AGBL4: variants seen among roughly 807,000 people sequenced by gnomAD.
AGBL4 encodes the protein cytosolic carboxypeptidase 6.
Under a neutral mutation model 66.4 loss-of-function variants are expected in AGBL4, and 58 were observed. That is an observed-to-expected ratio of 0.87 (90% CI 0.71 to 1.09). The LOEUF (loss-of-function observed/expected upper bound fraction) is 1.09. Ranked by LOEUF, AGBL4 falls within the 50% of genes least tolerant of loss-of-function variation. The pLI is 0.00. For missense variants in AGBL4, 579 were observed against 631.0 expected (o/e 0.92, Z 0.88); for synonymous variants, 234 against 222.9 (o/e 1.05, Z -0.44).
At chr1:49,280,862 A>G (rs1476684048) in intron 3 of AGBL4, among the ~76,000 whole-genome samples, 1 of 152,220 alleles carries the variant, frequency 6.6e-6, no homozygotes, top group East Asian at 1.9e-4. Flanking sequence ...GGAGATAAAT[A>G]AAAAACCAGT....
chr1:48,943,981 A>C (rs1305404644), intron 5 of AGBL4, among the ~76,000 whole-genome samples: 2 of 152,232 alleles, frequency 1.3e-5, no homozygotes, highest in Non-Finnish European at 2.9e-5. Context: ...GTTAGATGGC[A>C]TCAGGCCTAG....
chr1:49,346,475 G>A (rs1199653449), intron 3 of AGBL4, among the ~76,000 whole-genome samples: 5 of 152,118 alleles, frequency 3.3e-5, no homozygotes, highest in African/African-American at 4.8e-5. Flanking sequence ...AGTTTACTTG[G>A]GAAGATTTTA....
intron 4 of AGBL4, among the ~76,000 whole-genome samples, chr1:49,116,187 G>A (rs1422744092): frequency 6.6e-6 from 1 of 152,012 alleles, no homozygotes; most frequent in East Asian, 1.9e-4. Context: ...AAAGCATTGT[G>A]CCAGAGTTTA....
chr1:48,911,576 C>T (rs1226808741), intron 5 of AGBL4, among the ~76,000 whole-genome samples: 11 of 148,432 alleles, frequency 7.4e-5, no homozygotes, highest in African/African-American at 2.3e-4. Context: ...GCTGAGATCA[C>T]GCCACTGCAC....
chr1:49,270,760 A>G (rs956585586), intron 3 of AGBL4, among the ~76,000 whole-genome samples: 3 of 152,182 alleles, frequency 2.0e-5, no homozygotes, highest in Non-Finnish European at 2.9e-5. Flanking sequence ...CTACTGGAAT[A>G]AGTACATCAT....
chr1:48,692,097 G>C (rs974934298), intron 6 of AGBL4, among the ~76,000 whole-genome samples: 3 of 152,156 alleles, frequency 2.0e-5, no homozygotes, highest in Admixed American at 1.3e-4. Context: ...AGTTTCTAAA[G>C]ATTTTTCTAA....
At chr1:49,744,857 G>A (rs1650862259) in intron 2 of AGBL4, among the ~76,000 whole-genome samples, 1 of 151,966 alleles carries the variant, frequency 6.6e-6, no homozygotes, top group Admixed American at 6.6e-5. Flanking sequence ...CTATTAATTT[G>A]AACTGTATTT....
chr1:49,437,486 A>T (rs2148663906), intron 3 of AGBL4, among the ~76,000 whole-genome samples: 1 of 152,290 alleles, frequency 6.6e-6, no homozygotes, highest in East Asian at 1.9e-4. Context: ...CTTTCAAAGG[A>T]AAACCATTAT....
At chr1:49,206,070 C>A (rs1332249578) in intron 4 of AGBL4, among the ~76,000 whole-genome samples, 3 of 152,014 alleles carry the variant, frequency 2.0e-5, no homozygotes, top group African/African-American at 7.2e-5. Flanking sequence ...TTGGCATTAG[C>A]CAAAAATGAA....
chr1:49,599,853 C>T (rs1329363735), intron 3 of AGBL4, among the ~76,000 whole-genome samples: 1 of 152,062 alleles, frequency 6.6e-6, no homozygotes, highest in African/African-American at 2.4e-5. Context: ...CATATTCCTG[C>T]CTTAATTTTA....
At chr1:49,559,655 T>G (rs1036809345) in intron 3 of AGBL4, among the ~76,000 whole-genome samples, 4 of 152,154 alleles carry the variant, frequency 2.6e-5, no homozygotes, top group Admixed American at 2.6e-4. Context: ...TCTGGATGCT[T>G]CCTGCCCTTG....
chr1:49,059,803 C>T (rs564965623), intron 4 of AGBL4, among the ~76,000 whole-genome samples: 7 of 152,262 alleles, frequency 4.6e-5, no homozygotes, highest in South Asian at 2.1e-4. Context: ...CATTCAGTGA[C>T]GACCGACCCT....
Position 49,686,230 on chromosome 1 carries a change from GT to G in AGBL4, c.282+11082del, listed in dbSNP as rs1420445420. Among the ~76,000 whole-genome samples, 5 of 152,040 alleles carry G rather than the reference GT, an allele frequency of 3.3e-5. No individual in the cohort carries two copies. The South Asian group carries it at 8.3e-4, about 25-fold the overall frequency. On this transcript the variant is annotated intron_variant, in intron 3 of 13. Coordinates refer to ENST00000371839, the MANE Select transcript of AGBL4 (RefSeq NM_032785.4). ...TATAGATATGTGGCTTTATTTCTGG[GT>G]TCTCTAATAAGGACCCCCGCCACGG...
At chr1:49,371,286 T>TACAC (rs35387440) in intron 3 of AGBL4, among the ~76,000 whole-genome samples, 40 of 145,830 alleles carry the variant, frequency 2.7e-4, no homozygotes, top group African/African-American at 3.8e-4. Context: ...CATACATACA[T>TACAC]ACACACACAC....
At chr1:49,238,566 C>T (rs989691548) in intron 4 of AGBL4, among the ~76,000 whole-genome samples, 1 of 152,144 alleles carries the variant, frequency 6.6e-6, no homozygotes, top group African/African-American at 2.4e-5. Context: ...GAACGAAAGT[C>T]CTGTTTCTTA....
At chr1:49,436,161 A>C (rs1313327431) in intron 3 of AGBL4, among the ~76,000 whole-genome samples, 1 of 152,142 alleles carries the variant, frequency 6.6e-6, no homozygotes, top group African/African-American at 2.4e-5. Context: ...GGATTAGAGG[A>C]AGTACAGTGA....
At chr1:49,191,632 G>A (rs1647120992) in intron 4 of AGBL4, among the ~76,000 whole-genome samples, 1 of 152,064 alleles carries the variant, frequency 6.6e-6, no homozygotes. Flanking sequence ...CCCTCTAGTA[G>A]TCCCCAGTAT....
At chr1:48,863,093 A>T (rs541091582) in intron 6 of AGBL4, among the ~76,000 whole-genome samples, 1 of 152,346 alleles carries the variant, frequency 6.6e-6, no homozygotes, top group East Asian at 1.9e-4. Flanking sequence ...TTTTCCAAAA[A>T]GTTTAACTTA....
intron 5 of AGBL4, among the ~76,000 whole-genome samples, chr1:48,977,485 A>G (rs1659431097): frequency 6.6e-6 from 1 of 152,168 alleles, no homozygotes; most frequent in Non-Finnish European, 1.5e-5. Flanking sequence ...CAGTGAGAAC[A>G]TAGACATCCG....
Sources: allele counts gnomAD v4.1 joint callset (sites outside exome capture counted in the v4.1 genomes callset), GRCh38; gene constraint gnomAD v4.1.1; transcripts MANE v1.5; gene names NCBI Gene and HGNC (gene_info 2026-07-23, HGNC 2026-07-21).